The following ATP2B2 variants were observed in gnomAD, a reference collection of about 807,000 sequenced individuals.
ATP2B2 encodes plasma membrane calcium-transporting ATPase 2.
Under a neutral mutation model 120.0 loss-of-function variants are expected in ATP2B2, and 15 were observed. The ratio of observed to expected loss-of-function variants is 0.12; its 90% CI spans 0.08 to 0.19. The LOEUF is 0.19. Ranked by LOEUF, ATP2B2 falls within the 10% of genes least tolerant of loss-of-function variation. The pLI is 1.00. For synonymous variants in ATP2B2, 694 were observed against 700.3 expected (o/e 0.99, Z 0.14); for missense variants, 1,045 against 1,719.8 (o/e 0.61, Z 6.94).
At position 10,375,575 on chromosome 3, in the gene ATP2B2, T is replaced by C; in HGVS notation, c.1271A>G (p.Asn424Ser). 6.2e-7 allele frequency: 1 copy of C among 1,613,796 alleles called. No individual in the cohort carries two copies. The highest frequency in any genetic ancestry group is 8.5e-7 in the Non-Finnish European group (1 of 1,180,032). Residue 424 changes from asparagine (N) to serine (S), a missense_variant, in exon 11 of 23, where the codon AAC (asparagine) becomes AGC (serine). Physicochemically the swap from Asn to Ser is conservative, Grantham distance 46. Transcript: ENST00000360273. This position sits in a 1 kb window ranked among gnomAD's most constrained non-coding sequence, Gnocchi z 4.2. ...GCACTCAGGCAGCCACGGCTTCTTGTTGACCACGAAGGTGTCCACAGTGAA... is the reference window on the plus strand; with the variant it reads ...GCACTCAGGCAGCCACGGCTTCTTGCTGACCACGAAGGTGTCCACAGTGAA... The part of the protein sequence containing the change: ...LYFTVDTFVV[N>S]KKPWLPECTP...
chr3:10,638,644 AC>A (rs2125648177), intron 1 of ATP2B2, among the ~76,000 whole-genome samples: 1 of 152,350 alleles, frequency 6.6e-6, no homozygotes, highest in Non-Finnish European at 1.5e-5. Flanking sequence ...AGTAGTCTAA[AC>A]TTCCCAATTA....
intron 1 of ATP2B2, among the ~76,000 whole-genome samples, chr3:10,651,055 C>T (rs929641625): frequency 6.6e-6 from 1 of 152,182 alleles, no homozygotes; most frequent in East Asian, 1.9e-4. Context: ...GCCTGTACCC[C>T]CATTGTATCT....
At chr3:10,656,551 G>T (rs574981439) in intron 1 of ATP2B2, among the ~76,000 whole-genome samples, 1 of 152,122 alleles carries the variant, frequency 6.6e-6, no homozygotes, top group Non-Finnish European at 1.5e-5. Flanking sequence ...TGGGCCTTCC[G>T]CACACACCAG....
At chr3:10,416,022 C>A (rs2062769409) in intron 2 of ATP2B2, among the ~76,000 whole-genome samples, 1 of 152,206 alleles carries the variant, frequency 6.6e-6, no homozygotes. Context: ...AACAAAATAA[C>A]CTCTAGGCTG....
intron 2 of ATP2B2, among the ~76,000 whole-genome samples, chr3:10,537,314 T>G (rs6442179): frequency 0.19 from 29,317 of 152,044 alleles, 3,584 homozygotes; most frequent in East Asian, 0.44. Flanking sequence ...CTATGTTAAG[T>G]CTTCCAATCC....
chr3:10,501,393 C>G (rs1261217690), intron 1 of ATP2B2, among the ~76,000 whole-genome samples: 1 of 135,268 alleles, frequency 7.4e-6, no homozygotes, highest in Non-Finnish European at 1.5e-5. Context: ...TTTTTTGAGA[C>G]AGGGTCTCGC....
chr3:10,394,726 G>A (rs866899762), intron 5 of ATP2B2, among the ~76,000 whole-genome samples: 40 of 151,578 alleles, frequency 2.6e-4, no homozygotes, highest in African/African-American at 9.7e-4. Context: ...GTTTACCGAT[G>A]TCCTGCATGA....
chr3:10,402,338 C>G lies in ATP2B2; in HGVS notation c.408G>C (p.Thr136=). Residue 136 remains threonine, a synonymous_variant, in exon 4 of 23, where the codon ACG becomes ACC. Transcript: ENST00000360273. This position sits in a 1 kb window ranked among gnomAD's most constrained non-coding sequence, Gnocchi z 4.9. Reference sequence around the variant, plus strand: ...CTTCATCCTCTGCCCCACCCTGGGCCGTCGCACATCCTGAAAGACCAGATA... The same window carrying G: ...CTTCATCCTCTGCCCCACCCTGGGCGGTCGCACATCCTGAAAGACCAGATA... ...PPGEGNEGCA[T]AQGGAEDEGE... 1.2e-6 allele frequency: 2 copies of G among 1,613,462 alleles called. No homozygotes were observed. Among genetic ancestry groups the G allele is most frequent in the Non-Finnish European group, 1.7e-6 (2 of 1,180,034 alleles).
At position 10,402,245 on chromosome 3, in the gene ATP2B2, G is replaced by A. The variant is rs2062247085; in HGVS notation, c.501C>T (p.Val167=). ...CTTTGCTCCAGTCATTGAAGGCCGT[G>A]ACCAGGACCACACAGATAACTGAGA... ...ILLSVICVVL[V]TAFNDWSKEK... The change falls in exon 4 of 23, where the codon GTC becomes GTT. Residue 167 remains valine (V), a synonymous_variant. Transcript: ENST00000360273. The surrounding 1 kb of genome is among the most constrained non-coding windows in gnomAD (Gnocchi z 4.9). The A allele has an allele frequency of 6.2e-7, 1 of 1,614,192 alleles. No homozygotes were observed. The highest frequency in any genetic ancestry group is 8.5e-7 in the Non-Finnish European group (1 of 1,180,052).
Position 10,329,185 on chromosome 3 carries a change from G to C in ATP2B2, c.3421-60C>G. On this transcript the variant is annotated intron_variant, in intron 22 of 22. Coordinates refer to ENST00000360273, the MANE Select transcript of ATP2B2 (RefSeq NM_001001331.4). The surrounding 1 kb of genome is among the most constrained non-coding windows in gnomAD (Gnocchi z 5.9). Reference sequence around the variant, plus strand: ...CAGGGACCACAGCCAGGCTCGGGGGGCTCACAGGAGGGGCGGGTGGGAGAA... The same window carrying C: ...CAGGGACCACAGCCAGGCTCGGGGGCCTCACAGGAGGGGCGGGTGGGAGAA... The C allele has an allele frequency of 2.1e-6, 3 of 1,444,614 alleles. No individual in the cohort carries two copies. The highest frequency in any genetic ancestry group is 2.9e-6 in the Non-Finnish European group (3 of 1,043,694). 89.5% of individuals were successfully genotyped at this position (1,444,614 alleles called of 1,614,324 possible).
chr3:10,432,457 TCAAA>T (rs1380240763), intron 2 of ATP2B2, among the ~76,000 whole-genome samples: 4 of 152,290 alleles, frequency 2.6e-5, no homozygotes, highest in African/African-American at 9.6e-5. Context: ...CAGTTCTAGA[TCAAA>T]CAGTCAGCAG....
At chr3:10,433,336 G>A (rs528360975) in intron 2 of ATP2B2, among the ~76,000 whole-genome samples, 2 of 152,290 alleles carry the variant, frequency 1.3e-5, no homozygotes, top group South Asian at 4.1e-4. Context: ...ACACTCAGTG[G>A]CCTCTTGGGA....
intron 5 of ATP2B2, among the ~76,000 whole-genome samples, chr3:10,397,951 C>T (rs976510298): frequency 6.6e-5 from 10 of 152,166 alleles, no homozygotes; most frequent in African/African-American, 2.4e-4. Flanking sequence ...ATCACTTTCT[C>T]CCTATGAGTT....
Position 10,346,190 on chromosome 3 carries a change from C to A in ATP2B2, c.2405-53G>T. On this transcript the variant is annotated intron_variant, in intron 16 of 22. Transcript: ENST00000360273. The surrounding 1 kb of genome is among the most constrained non-coding windows in gnomAD (Gnocchi z 4.1). ...CTGGGCCACTCAGGTGGGAGGCAGC[C>A]TGGGCCAGCCCTGGTCCTCGGGAGG... 6.3e-7 allele frequency: 1 copy of A among 1,579,296 alleles called. No individual in the cohort carries two copies. Among genetic ancestry groups the A allele is most frequent in the Non-Finnish European group, 8.6e-7 (1 of 1,159,106 alleles).
In ATP2B2 at chr3:10,540,090, T is replaced by C. The variant is rs6772981; in HGVS notation, c.-414-5957A>G. ...AACAGACATTTCTCAAAAGAAGACATTTATGCAGCCAACAGACACATGAAA... is the reference window on the plus strand; with the variant it reads ...AACAGACATTTCTCAAAAGAAGACACTTATGCAGCCAACAGACACATGAAA... On this transcript the variant is annotated intron_variant, in intron 2 of 21. Transcript: ENST00000646379. Among the ~76,000 whole-genome samples the C allele has an allele frequency of 7.5e-3, 1,141 of 151,760 alleles. 14 individuals carry two copies. The highest frequency in any genetic ancestry group is 0.026 in the African/African-American group (1,090 of 41,320).
At chr3:10,587,792 T>C (rs1490079587) in intron 2 of ATP2B2, among the ~76,000 whole-genome samples, 1 of 152,148 alleles carries the variant, frequency 6.6e-6, no homozygotes, top group African/African-American at 2.4e-5. Flanking sequence ...ACTGTCATGC[T>C]CTTAGTGCGT....
intron 1 of ATP2B2, among the ~76,000 whole-genome samples, chr3:10,643,167 T>C (rs2070221044): frequency 6.6e-6 from 1 of 152,224 alleles, no homozygotes; most frequent in South Asian, 2.1e-4. Context: ...TCTGGGATGA[T>C]GTGAGCACCA....
chr3:10,633,578 T>C (rs565303330), intron 1 of ATP2B2, among the ~76,000 whole-genome samples: 4 of 152,198 alleles, frequency 2.6e-5, no homozygotes, highest in Non-Finnish European at 5.9e-5. Context: ...TACATGGGGA[T>C]AGAAATTTTA....
At chr3:10,462,281 C>T (rs1167940380) in intron 1 of ATP2B2, among the ~76,000 whole-genome samples, 9 of 152,172 alleles carry the variant, frequency 5.9e-5, no homozygotes, top group African/African-American at 2.2e-4. Context: ...TAAGGGCATC[C>T]ACAGCACTAT....
Sources: gnomAD v4.1 joint callset for allele counts (sites outside exome capture counted in the v4.1 genomes callset) on GRCh38, gnomAD v4.1.1 for gene constraint, Gnocchi (gnomAD v3.1) non-coding constraint, MANE v1.5 for transcripts, NCBI Gene and HGNC (gene_info 2026-07-23, HGNC 2026-07-21) for gene names.